The following ERI3 variants were observed in gnomAD, a reference collection of about 807,000 sequenced individuals.
ERI3 encodes the protein ERI1 exoribonuclease 3.
In ERI3, 18 loss-of-function variants were observed where a neutral mutation model predicts 44.4. That is an observed-to-expected ratio of 0.41 (90% CI 0.28 to 0.60). ERI3 has a LOEUF of 0.60. Ranked by LOEUF, ERI3 falls within the 20% of genes least tolerant of loss-of-function variation. The pLI, the probability that ERI3 is intolerant of heterozygous loss-of-function variation, is 0.36. For synonymous variants in ERI3, 183 were observed against 164.8 expected, an observed-to-expected ratio of 1.11 and a Z score of -0.84; for missense variants, 294 against 435.5, an observed-to-expected ratio of 0.68 and a Z score of 2.89.
intron 8 of ERI3, among the ~76,000 whole-genome samples, chr1:44,227,525 C>T (rs1365220649): frequency 1.3e-5 from 2 of 152,078 alleles, no homozygotes; most frequent in African/African-American, 2.4e-5. Context: ...AAATGCAGCC[C>T]CACCAGCTCC....
chr1:44,315,118 T>C (rs920380524), intron 4 of ERI3, among the ~76,000 whole-genome samples: 1 of 152,224 alleles, frequency 6.6e-6, no homozygotes, highest in Admixed American at 6.5e-5. Flanking sequence ...AGGACCATCC[T>C]GGAAAAGGCG....
chr1:44,347,113 A>C (rs1646800375), intron 2 of ERI3, among the ~76,000 whole-genome samples: 1 of 152,202 alleles, frequency 6.6e-6, no homozygotes, highest in Non-Finnish European at 1.5e-5. Flanking sequence ...GTGATGGCCC[A>C]CATTTCCCCA....
intron 8 of ERI3, among the ~76,000 whole-genome samples, chr1:44,222,214 C>G (rs1484964632): frequency 6.6e-6 from 1 of 152,258 alleles, no homozygotes; most frequent in Non-Finnish European, 1.5e-5. Context: ...GGAAACACAC[C>G]TGCCCTGTGT....
intron 8 of ERI3, among the ~76,000 whole-genome samples, chr1:44,238,415 C>T (rs1049444097): frequency 6.6e-6 from 1 of 152,156 alleles, no homozygotes; most frequent in Non-Finnish European, 1.5e-5. Flanking sequence ...GGGCTAGATC[C>T]CGCCTAGCAG....
chr1:44,349,951 C>T (rs1250860870), intron 2 of ERI3, among the ~76,000 whole-genome samples: 2 of 152,194 alleles, frequency 1.3e-5, no homozygotes, highest in East Asian at 1.9e-4. Flanking sequence ...ATTCATCAGA[C>T]GCTCACCAAA....
chr1:44,328,511 G>A (rs1456133293), intron 3 of ERI3, among the ~76,000 whole-genome samples: 1 of 152,110 alleles, frequency 6.6e-6, no homozygotes, highest in South Asian at 2.1e-4. Context: ...TTTGAGAACC[G>A]CTGGTCCAGA....
intron 2 of ERI3, among the ~76,000 whole-genome samples, chr1:44,342,113 C>A (rs76487324): frequency 0.079 from 12,090 of 152,098 alleles, 612 homozygotes; most frequent in Non-Finnish European, 0.12. Flanking sequence ...CAGAAGAGGG[C>A]AGATATCTAC....
At chr1:44,233,848 A>G (rs1241761675) in intron 8 of ERI3, among the ~76,000 whole-genome samples, 2 of 152,298 alleles carry the variant, frequency 1.3e-5, no homozygotes, top group East Asian at 3.9e-4. Context: ...AGTTGTTTAC[A>G]CTCAAGATCT....
At chr1:44,274,982 C>T (rs1238072409) in intron 7 of ERI3, among the ~76,000 whole-genome samples, 1 of 152,164 alleles carries the variant, frequency 6.6e-6, no homozygotes, top group African/African-American at 2.4e-5. Flanking sequence ...GCCCCATGGA[C>T]AATGCTCTGC....
chr1:44,321,907 T>G (rs1646211361), intron 3 of ERI3, among the ~76,000 whole-genome samples: 1 of 152,240 alleles, frequency 6.6e-6, no homozygotes, highest in African/African-American at 2.4e-5. Context: ...AAGGATGCCA[T>G]TCATCTTTGG....
chr1:44,239,153 C>T (rs529232791), intron 8 of ERI3, among the ~76,000 whole-genome samples: 2 of 152,178 alleles, frequency 1.3e-5, no homozygotes, highest in South Asian at 2.1e-4. Flanking sequence ...GATCTAACTG[C>T]TATTCTTAGC....
chr1:44,272,718 G>C (rs766775592), intron 7 of ERI3, among the ~76,000 whole-genome samples: 1 of 151,966 alleles, frequency 6.6e-6, no homozygotes, highest in Non-Finnish European at 1.5e-5. Flanking sequence ...GCACACCCCT[G>C]TAATCCCAGC....
At chr1:44,232,727 G>A (rs1317365902) in intron 8 of ERI3, among the ~76,000 whole-genome samples, 1 of 152,180 alleles carries the variant, frequency 6.6e-6, no homozygotes, top group Non-Finnish European at 1.5e-5. Flanking sequence ...TATCATTCCT[G>A]CAAGTCCCAG....
At chr1:44,310,957 GCGCGCGCACACA>G (rs1190094399) in intron 5 of ERI3, among the ~76,000 whole-genome samples, 2 of 76,744 alleles carry the variant, frequency 2.6e-5, no homozygotes, top group Middle Eastern at 6.5e-3. Context: ...CACATCGCGC[GCGCGCGCACACA>G]CACACACACA....
chr1:44,297,560 A>G (rs1190298181), intron 6 of ERI3, among the ~76,000 whole-genome samples: 2 of 152,068 alleles, frequency 1.3e-5, no homozygotes, highest in Non-Finnish European at 2.9e-5. Flanking sequence ...CCAGTTCAGG[A>G]GCATAGTGGC....
intron 1 of ERI3, chr1:44,354,350 A>G: frequency 1.0e-6 from 1 of 985,466 alleles, no homozygotes; most frequent in African/African-American, 1.7e-5. Context: ...GAGGGGCCCC[A>G]CATCCAGCAT....
chr1:44,338,671 T>C (rs141533109), intron 3 of ERI3, among the ~76,000 whole-genome samples: 363 of 152,292 alleles, frequency 2.4e-3, no homozygotes, highest in Non-Finnish European at 3.4e-3. Flanking sequence ...AGGGTGTGAA[T>C]AGCAGGAGTT....
In ERI3 at chr1:44,338,759, G is replaced by C. The variant is rs556675285; in HGVS notation, c.489+286C>G. Among the ~76,000 whole-genome samples, 263 of 152,274 alleles carry C rather than the reference G, an allele frequency of 1.7e-3. 3 individuals are homozygous for C. The highest frequency in any genetic ancestry group is 6.1e-3 in the African/African-American group (253 of 41,544). ...AACAAGTGGCAGTAGCAGGAGAATG[G>C]AGGAAAGAAGAGAACAGAGAAAGGA... is the stretch of plus-strand genomic sequence containing the variant. On this transcript the variant is annotated intron_variant, in intron 3 of 8. Transcript: ENST00000372257.
At chr1:44,342,830 T>TATAAATATATATATATATATATATATAA (rs1553201373) in intron 2 of ERI3, among the ~76,000 whole-genome samples, 4 of 27,878 alleles carry the variant, frequency 1.4e-4, no homozygotes, top group Non-Finnish European at 1.9e-4. Context: ...TATATATATA[T>TATAAATATATATATATATATATATATAA]ATATATATAT....
Sources: allele counts gnomAD v4.1 joint callset (sites outside exome capture counted in the v4.1 genomes callset), GRCh38; gene constraint gnomAD v4.1.1; transcripts MANE v1.5; gene names NCBI Gene and HGNC (gene_info 2026-07-23, HGNC 2026-07-21).